The following AP3B2 variants were observed in gnomAD, a reference collection of about 807,000 sequenced individuals.
AP3B2 encodes adaptor related protein complex 3 subunit beta 2, also known as AP-3 complex subunit beta-2.
AP3B2 carries 50 observed loss-of-function variants against 126.9 expected under a neutral mutation model. The observed-to-expected ratio is 0.39, with a 90% CI of 0.31 to 0.50. The LOEUF (loss-of-function observed/expected upper bound fraction) is 0.50. AP3B2 is among the 20% of genes least tolerant of loss of function. The probability of loss-of-function intolerance (pLI) is 0.79; values close to 1 mark genes in which losing one functional copy is unlikely to be tolerated. For missense variants in AP3B2, 1,177 were observed against 1,426.4 expected, an observed-to-expected ratio of 0.83 and a Z score of 2.82; for synonymous variants, 541 against 565.0, an observed-to-expected ratio of 0.96 and a Z score of 0.60.
intron 1 of AP3B2, among the ~76,000 whole-genome samples, chr15:82,698,696 T>C (rs561186787): frequency 4.6e-5 from 7 of 152,184 alleles, no homozygotes. Context: ...TTCCCTGGGC[T>C]TCCGTGGAAG....
chr15:82,692,268 C>T (rs970387904), intron 1 of AP3B2: 3 of 816,876 alleles, frequency 3.7e-6, no homozygotes, highest in East Asian at 2.8e-5. Context: ...CTTGCGGATC[C>T]GGCCGTACTT....
At chr15:82,663,689 A>T in intron 20 of AP3B2, 69 bp from the exon 21 acceptor site, 4 of 1,611,056 alleles carry the variant, frequency 2.5e-6, no homozygotes, top group Non-Finnish European at 3.4e-6. Context: ...GTTGGGTAGA[A>T]GATGTCATGT....
Position 82,677,792 on chromosome 15 carries a change from G to T in AP3B2, c.1257C>A (p.Arg419=), listed in dbSNP as rs1179554642. Residue 419 remains arginine (R), a synonymous_variant, in exon 12 of 27, where the codon CGC becomes CGA. Transcript: ENST00000535359. ...TVLREFQTYI[R]SMDKDFVAAT... ...CTGCCACAAAGTCCTTGTCCATGCT[G>T]CGAATATAGGTCTGTGGGATATGAC... The T allele has an allele frequency of 1.2e-6, 2 of 1,606,988 alleles. No homozygotes were observed. Among genetic ancestry groups the T allele is most frequent in the Non-Finnish European group, 8.5e-7 (1 of 1,175,984 alleles).
Position 82,680,431 on chromosome 15 carries a change from CAGGAGGCGAGGG to C in AP3B2, c.1055+29_1055+40del. 7.1e-7 allele frequency: 1 copy of C among 1,403,216 alleles called. No homozygotes were observed. The highest frequency in any genetic ancestry group is 1.4e-5 in the South Asian group (1 of 69,042). The allele number at this position is 1,403,216 out of a possible 1,614,324, so 86.9% of individuals were successfully genotyped here. A position where few individuals can be genotyped will look rare whatever the true frequency, so the allele number is the denominator to read the frequency against. On this transcript the variant is annotated intron_variant, in intron 8 of 26. Coordinates refer to ENST00000535359, the MANE Select transcript of AP3B2 (RefSeq NM_001278512.2). The surrounding 1 kb of genome is among the most constrained non-coding windows in gnomAD (Gnocchi z 6.1). ...GAGCCGGGCAGCCCGTGGGGCGGGGCAGGAGGCGAGGGAGGGGGCGGGGCTGGGGGCGGAGCG... is the reference window on the plus strand; with the variant it reads ...GAGCCGGGCAGCCCGTGGGGCGGGGCAGGGGGCGGGGCTGGGGGCGGAGCG...
At chr15:82,662,661 C>G (rs377378283) in intron 23 of AP3B2, 33 bp downstream of exon 23, 1 of 1,571,570 alleles carries the variant, frequency 6.4e-7, no homozygotes, top group Non-Finnish European at 8.7e-7. Flanking sequence ...GCCCAGGAGC[C>G]TCCTCCTCCA....
chr15:82,694,494 G>A (rs2048602536), intron 1 of AP3B2, among the ~76,000 whole-genome samples: 1 of 151,860 alleles, frequency 6.6e-6, no homozygotes, highest in Non-Finnish European at 1.5e-5. Context: ...GGACCAGCCT[G>A]GACAACATAG....
intron 1 of AP3B2, among the ~76,000 whole-genome samples, chr15:82,696,158 C>T (rs985888599): frequency 6.6e-6 from 1 of 152,158 alleles, no homozygotes; most frequent in Non-Finnish European, 1.5e-5. Flanking sequence ...ACTTAATCAC[C>T]TCAAAGGTAA....
chr15:82,700,476 G>T (rs1299992429), intron 1 of AP3B2, among the ~76,000 whole-genome samples: 18 of 143,706 alleles, frequency 1.3e-4, no homozygotes, highest in Non-Finnish European at 2.3e-4. Context: ...TCGGCTCACT[G>T]CAACCTCCGT....
rs1053635204 is a variant in AP3B2 at position 82,666,862 on chromosome 15, C to T, written c.1737G>A (p.Ala579=). 19 of 1,613,872 alleles carry T rather than the reference C, an allele frequency of 1.2e-5. No individual in the cohort carries two copies. Among genetic ancestry groups the T allele is most frequent in the South Asian group, 3.3e-5 (3 of 91,084 alleles). Residue 579 remains alanine, a synonymous_variant, in exon 15 of 27, where the codon GCG becomes GCA. Coordinates refer to ENST00000535359, the MANE Select transcript of AP3B2 (RefSeq NM_001278512.2). ...YDQNYDIRDR[A]RFTRQLIVPS... is the part of the protein sequence containing the mutation. ...GGACGATGAGCTGCCGGGTGAAGCG[C>T]GCCCGGTCGCGAATATCATAGTTCT...
At chr15:82,692,291 T>C in intron 1 of AP3B2, 1 of 689,954 alleles carries the variant, frequency 1.4e-6, no homozygotes, top group East Asian at 2.9e-5. Flanking sequence ...AGAAAAGGTC[T>C]TCCACGTCCT....
rs752418242 is a variant in AP3B2, at chr15:82,666,872, C to T, written c.1727G>A (p.Arg576His). The change falls in exon 15 of 27, where the codon CGC becomes CAC. Residue 576 changes from arginine to histidine, a missense_variant. Transcript: ENST00000535359. The stretch of plus-strand genomic sequence containing the variant: ...CTGCCGGGTGAAGCGCGCCCGGTCG[C>T]GAATATCATAGTTCTGGTCATATTT... The part of the protein sequence containing the change: ...LAKYDQNYDI[R>H]DRARFTRQLI... 2 of 1,613,920 alleles carry T rather than the reference C, an allele frequency of 1.2e-6. No individual in the cohort carries two copies. Among genetic ancestry groups the T allele is most frequent in the Non-Finnish European group, 1.7e-6 (2 of 1,179,870 alleles).
chr15:82,701,094 C>T (rs2151460342), intron 1 of AP3B2, among the ~76,000 whole-genome samples: 1 of 151,932 alleles, frequency 6.6e-6, no homozygotes, highest in East Asian at 1.9e-4. Context: ...CTCTTGATTT[C>T]AAGTGACCTG....
intron 14 of AP3B2, among the ~76,000 whole-genome samples, chr15:82,669,299 G>A (rs887712841): frequency 1.3e-5 from 2 of 152,214 alleles, no homozygotes; most frequent in Admixed American, 1.3e-4. Flanking sequence ...CTTGTTTGCA[G>A]ATGATATGAT....
intron 4 of AP3B2, among the ~76,000 whole-genome samples, chr15:82,683,943 G>A (rs1277412750): frequency 6.6e-6 from 1 of 152,196 alleles, no homozygotes; most frequent in Admixed American, 6.5e-5. Flanking sequence ...TAAGCGGTAG[G>A]TATCAACAGT....
At chr15:82,703,924 A>G (rs1373224833) in intron 1 of AP3B2, among the ~76,000 whole-genome samples, 1 of 151,994 alleles carries the variant, frequency 6.6e-6, no homozygotes, top group South Asian at 2.1e-4. Flanking sequence ...TCAGACTCCA[A>G]TTCTTTCTCA....
intron 14 of AP3B2, among the ~76,000 whole-genome samples, chr15:82,669,326 C>A (rs1248684474): frequency 6.6e-6 from 1 of 152,116 alleles, no homozygotes; most frequent in East Asian, 1.9e-4. Context: ...TTTAAAAAAT[C>A]TTAAGGATTC....
At chr15:82,696,941 G>A (rs1315976650) in intron 1 of AP3B2, among the ~76,000 whole-genome samples, 4 of 152,172 alleles carry the variant, frequency 2.6e-5, no homozygotes, top group African/African-American at 9.6e-5. Flanking sequence ...GCTGTGTGTG[G>A]GGACTCACAC....
chr15:82,676,192 GT>G (rs561322927), intron 14 of AP3B2, among the ~76,000 whole-genome samples: 2 of 152,166 alleles, frequency 1.3e-5, no homozygotes, highest in Admixed American at 6.5e-5. Context: ...CAGCCCCAGA[GT>G]TCCAAGGTGG....
intron 1 of AP3B2, chr15:82,692,232 A>T (rs538977872): frequency 2.9e-6 from 3 of 1,049,872 alleles, no homozygotes; most frequent in East Asian, 5.0e-5. Context: ...GAAGGGCACA[A>T]GGCAGTGCCC....
Sources: gnomAD v4.1 joint callset for allele counts (sites outside exome capture counted in the v4.1 genomes callset) on GRCh38, gnomAD v4.1.1 for gene constraint, Gnocchi (gnomAD v3.1) non-coding constraint, MANE v1.5 for transcripts, NCBI Gene and HGNC (gene_info 2026-07-23, HGNC 2026-07-21) for gene names.